The following DPY19L2 variants were observed in gnomAD, a reference collection of about 807,000 sequenced individuals.
DPY19L2 encodes probable C-mannosyltransferase DPY19L2.
In DPY19L2, 34 loss-of-function variants were observed where a neutral mutation model predicts 97.9. That is an observed-to-expected ratio of 0.35 (90% CI 0.26 to 0.46). DPY19L2 has a LOEUF of 0.46. DPY19L2 is among the 20% of genes least tolerant of loss of function. DPY19L2 has a pLI of 1.00. For missense variants in DPY19L2, 623 were observed against 911.4 expected (o/e 0.68, Z 4.07); for synonymous variants, 230 against 307.9 (o/e 0.75, Z 2.65).
At chr12:63,652,158 T>C (rs759213840) in intron 4 of DPY19L2, among the ~76,000 whole-genome samples, 3 of 152,198 alleles carry the variant, frequency 2.0e-5, no homozygotes, top group Non-Finnish European at 2.9e-5. Context: ...ATCAGATATT[T>C]ATGTGGCCAT....
chr12:63,646,624 C>CA (rs1414343437), intron 5 of DPY19L2, among the ~76,000 whole-genome samples: 13 of 152,196 alleles, frequency 8.5e-5, no homozygotes, highest in African/African-American at 2.9e-4. Flanking sequence ...ATGAGAGTCT[C>CA]AAGGGACGGC....
intron 15 of DPY19L2, among the ~76,000 whole-genome samples, chr12:63,595,118 G>A (rs1883991019): frequency 6.6e-6 from 1 of 152,192 alleles, no homozygotes; most frequent in Admixed American, 6.5e-5. Context: ...TGTAAACAAA[G>A]GAGTGAGAAG....
At chr12:63,590,133 C>CAA (rs1168109420) in intron 16 of DPY19L2, among the ~76,000 whole-genome samples, 4 of 139,942 alleles carry the variant, frequency 2.9e-5, no homozygotes, top group Non-Finnish European at 4.8e-5. Flanking sequence ...CAAAACAAAA[C>CAA]AACAACAACA....
At chr12:63,636,344 C>T (rs1220009166) in intron 6 of DPY19L2, among the ~76,000 whole-genome samples, 6 of 152,096 alleles carry the variant, frequency 3.9e-5, no homozygotes, top group Non-Finnish European at 7.4e-5. Flanking sequence ...TAAAGACCAT[C>T]GATGCTAGGA....
At chr12:63,626,742 T>C (rs192602151) in intron 6 of DPY19L2, among the ~76,000 whole-genome samples, 14 of 152,284 alleles carry the variant, frequency 9.2e-5, no homozygotes, top group Admixed American at 9.2e-4. Context: ...TAATTTGTTA[T>C]AGCTAAAATA....
At chr12:63,644,903 T>C (rs1893199236) in intron 5 of DPY19L2, among the ~76,000 whole-genome samples, 1 of 152,130 alleles carries the variant, frequency 6.6e-6, no homozygotes, top group Non-Finnish European at 1.5e-5. Flanking sequence ...GAACTGTCTG[T>C]AGAACCACTT....
chr12:63,648,065 G>A (rs560350581), intron 4 of DPY19L2, among the ~76,000 whole-genome samples: 5 of 152,230 alleles, frequency 3.3e-5, no homozygotes, highest in African/African-American at 9.6e-5. Context: ...TCATGAGTGA[G>A]ATTAAAGCTA....
chr12:63,620,994 T>C (rs1888601576), intron 9 of DPY19L2, among the ~76,000 whole-genome samples: 1 of 151,514 alleles, frequency 6.6e-6, no homozygotes, highest in South Asian at 2.1e-4. Context: ...AAGTGGGAGC[T>C]GAACAATGAG....
intron 6 of DPY19L2, among the ~76,000 whole-genome samples, chr12:63,631,740 A>G (rs1411481685): frequency 6.6e-6 from 1 of 152,170 alleles, no homozygotes; most frequent in African/African-American, 2.4e-5. Context: ...CTGATACCAA[A>G]GTCTGGCAGA....
chr12:63,590,950 C>G (rs566089258), intron 16 of DPY19L2: 1 of 405,226 alleles, frequency 2.5e-6, no homozygotes, highest in Non-Finnish European at 5.2e-6. Flanking sequence ...CCGAGTCTGT[C>G]GCTTCCACAT....
At chr12:63,633,763 ACG>A (rs1368082096) in intron 6 of DPY19L2, among the ~76,000 whole-genome samples, 1 of 152,146 alleles carries the variant, frequency 6.6e-6, no homozygotes, top group Non-Finnish European at 1.5e-5. Context: ...ACACATGCAC[ACG>A]TATGTTTATT....
chr12:63,639,902 A>G lies in DPY19L2; in HGVS notation c.803+4501T>C, dbSNP rs534788011. 1.0e-2 allele frequency among the ~76,000 whole-genome samples: 1,520 copies of G among 152,224 alleles called. 19 individuals are homozygous for G. Among genetic ancestry groups the G allele is most frequent in the African/African-American group, 0.034 (1,421 of 41,532 alleles). Reference sequence around the variant, plus strand: ...TGCTGCTATAAAGACACATGCACACATATGTTTATTGTGGCACTATTCACA... The same window carrying G: ...TGCTGCTATAAAGACACATGCACACGTATGTTTATTGTGGCACTATTCACA... On this transcript the variant is annotated intron_variant, in intron 6 of 21. Transcript: ENST00000324472.
intron 3 of DPY19L2, 102 bp from the exon 4 acceptor site, chr12:63,661,583 T>G (rs1895690273): frequency 1.2e-6 from 1 of 842,592 alleles, no homozygotes; most frequent in Non-Finnish European, 1.7e-6. Context: ...AAAAAAAGGT[T>G]AATAATAAGA....
intron 9 of DPY19L2, 66 bp downstream of exon 9, chr12:63,621,172 T>C: frequency 2.5e-6 from 3 of 1,193,476 alleles, no homozygotes; most frequent in Non-Finnish European, 3.6e-6. Context: ...AACAAACCTG[T>C]ACATCCCGCA....
chr12:63,637,955 C>T (rs1412837838), intron 6 of DPY19L2, among the ~76,000 whole-genome samples: 1 of 152,088 alleles, frequency 6.6e-6, no homozygotes, highest in Admixed American at 6.6e-5. Context: ...TACAAAAATC[C>T]TCAATAAAAT....
chr12:63,575,865 T>C (rs911166496), intron 19 of DPY19L2, among the ~76,000 whole-genome samples: 8 of 151,886 alleles, frequency 5.3e-5, no homozygotes, highest in Non-Finnish European at 1.2e-4. Context: ...ATCAAACATT[T>C]AAAGAAGAAC....
chr12:63,633,191 C>T (rs1438005284), intron 6 of DPY19L2, among the ~76,000 whole-genome samples: 1 of 152,134 alleles, frequency 6.6e-6, no homozygotes, highest in African/African-American at 2.4e-5. Flanking sequence ...AAAGCAATGG[C>T]AAGAAAAGCC....
intron 16 of DPY19L2, 36 bp downstream of exon 16, chr12:63,594,051 T>C: frequency 7.3e-7 from 1 of 1,360,890 alleles, no homozygotes; most frequent in Non-Finnish European, 1.0e-6. Flanking sequence ...AATAATGGAA[T>C]ACTGTATGTT....
chr12:63,630,440 T>G (rs1347576910), intron 6 of DPY19L2, among the ~76,000 whole-genome samples: 1 of 152,080 alleles, frequency 6.6e-6, no homozygotes, highest in Non-Finnish European at 1.5e-5. Flanking sequence ...AAACAGACTT[T>G]AAACCAACAA....
Sources: gnomAD v4.1 joint callset for allele counts (sites outside exome capture counted in the v4.1 genomes callset) on GRCh38, gnomAD v4.1.1 for gene constraint, MANE v1.5 for transcripts, NCBI Gene and HGNC (gene_info 2026-07-23, HGNC 2026-07-21) for gene names.